The following PCDHGA2 variants were observed in gnomAD, a reference collection of about 807,000 sequenced individuals.
PCDHGA2 encodes the protein protocadherin gamma-A2.
Under a neutral mutation model 59.2 loss-of-function variants are expected in PCDHGA2, and 40 were observed. The ratio of observed to expected loss-of-function variants is 0.68; its 90% CI spans 0.52 to 0.88. PCDHGA2 has a LOEUF of 0.88. Ranked by LOEUF, PCDHGA2 falls within the 40% of genes least tolerant of loss-of-function variation. PCDHGA2 has a pLI of 0.00. For synonymous variants in PCDHGA2, 560 were observed against 526.0 expected, an observed-to-expected ratio of 1.06 and a Z score of -0.89; for missense variants, 1,226 against 1,204.0, an observed-to-expected ratio of 1.02 and a Z score of -0.27.
At chr5:141,440,982 A>G (rs940098060) in intron 1 of PCDHGA2, 4 of 152,234 alleles carry the variant, frequency 2.6e-5, no homozygotes, top group Non-Finnish European at 5.9e-5. Context: ...TTCACAACCC[A>G]GAGTACCCAT....
rs376300717 is a variant in PCDHGA2, at chr5:141,339,338, A to C, written c.367A>C (p.Ile123Leu). The change falls in exon 1 of 4, where the codon ATA becomes CTA. Residue 123 changes from isoleucine to leucine, a missense_variant. Transcript: ENST00000394576. Reference protein sequence around the residue: ...KLTIYSVEVEITDINDNAPRF... With the variant: ...KLTIYSVEVELTDINDNAPRF... ...GACTATTTATTCAGTAGAGGTGGAAATAACAGATATTAACGATAATGCCCC... is the reference window on the plus strand; with the variant it reads ...GACTATTTATTCAGTAGAGGTGGAACTAACAGATATTAACGATAATGCCCC... 3.7e-6 allele frequency: 6 copies of C among 1,614,142 alleles called. No homozygotes were observed. In the African/African-American group the frequency reaches 6.7e-5, roughly 18 times the overall value.
rs997034063 is a variant in PCDHGA2, at chr5:141,340,391, G to A, written c.1420G>A (p.Val474Met). The stretch of plus-strand genomic sequence containing the variant: ...CCCCAGAGGAGCCTCTGTCTTCTCA[G>A]TGACGGCCCATGACCCCGACAGCAA... ...NNPRGASVFS[V>M]TAHDPDSNDN... The change falls in exon 1 of 4, where the codon GTG (valine) becomes ATG (methionine). Residue 474 changes from valine to methionine, a missense_variant. Transcript: ENST00000394576. 5 of 1,614,034 alleles carry A rather than the reference G, an allele frequency of 3.1e-6. No individual in the cohort carries two copies. The highest frequency in any genetic ancestry group is 4.2e-6 in the Non-Finnish European group (5 of 1,180,050).
In PCDHGA2 at chr5:141,413,998, G is replaced by A; in HGVS notation, c.2424+72603G>A. On this transcript the variant is annotated intron_variant, in intron 1 of 3. Transcript: ENST00000394576. The stretch of plus-strand genomic sequence containing the variant: ...GACAGTCACAGCCACCGACAGGGAC[G>A]AAGGTGCCAATGGAGAAGTGACATA... 1 of 1,613,320 alleles carries A rather than the reference G, an allele frequency of 6.2e-7. No individual in the cohort carries two copies. The highest frequency in any genetic ancestry group is 1.6e-4 in the Middle Eastern group (1 of 6,062).
At chr5:141,488,208 C>T (rs2099672939) in intron 1 of PCDHGA2, among the ~76,000 whole-genome samples, 1 of 152,152 alleles carries the variant, frequency 6.6e-6, no homozygotes, top group African/African-American at 2.4e-5. Flanking sequence ...GGACTCATAT[C>T]AAGTCCCTAC....
intron 1 of PCDHGA2, among the ~76,000 whole-genome samples, chr5:141,479,053 A>G (rs534968614): frequency 9.2e-5 from 14 of 152,334 alleles, no homozygotes; most frequent in African/African-American, 3.1e-4. Context: ...TCATTCTCAG[A>G]TAATTTTTTA....
intron 1 of PCDHGA2, chr5:141,398,705 A>G (rs778909536): frequency 6.2e-7 from 1 of 1,613,874 alleles, no homozygotes; most frequent in Admixed American, 1.7e-5. Flanking sequence ...AAATACCCGG[A>G]ACTGGCACTG....
At position 141,374,995 on chromosome 5, in the gene PCDHGA2, T is replaced by C. The variant is rs551496415; in HGVS notation, c.2424+33600T>C. ...TTTTGACTGGAGAAATTTCAACTTC[T>C]GCAAATCTAGACTATGAGGACTCGA... On this transcript the variant is annotated intron_variant, in intron 1 of 3. Transcript: ENST00000394576. 4 of 1,613,956 alleles carry C rather than the reference T, an allele frequency of 2.5e-6. No individual in the cohort carries two copies. The Admixed American group carries it at 5.0e-5, about 20-fold the overall frequency.
rs777568111 is a variant in PCDHGA2 at position 141,404,292 on chromosome 5, A to G, written c.2424+62897A>G. On this transcript the variant is annotated intron_variant, in intron 1 of 3. Coordinates refer to ENST00000394576, the MANE Select transcript of PCDHGA2 (RefSeq NM_018915.4). ...ACCCTGCAAGTGACTGACATCAATG[A>G]TAATCCACCTGCTTTCTCTCAAGCC... 2.5e-6 allele frequency: 4 copies of G among 1,613,864 alleles called. No homozygotes were observed. Among genetic ancestry groups the G allele is most frequent in the South Asian group, 1.1e-5 (1 of 91,082 alleles).
intron 1 of PCDHGA2, chr5:141,403,123 G>A: frequency 6.2e-7 from 1 of 1,614,066 alleles, no homozygotes; most frequent in Non-Finnish European, 8.5e-7. Context: ...TGGAGCCCCG[G>A]GAGCTGGCGG....
chr5:141,498,565 G>C (rs2099784348), intron 2 of PCDHGA2, among the ~76,000 whole-genome samples: 1 of 152,044 alleles, frequency 6.6e-6, no homozygotes. Context: ...CTTCAAAGCA[G>C]GGCTAGTATT....
chr5:141,364,769 G>T (rs755884627), intron 1 of PCDHGA2: 1 of 1,614,012 alleles, frequency 6.2e-7, no homozygotes, highest in Admixed American at 1.7e-5. Flanking sequence ...TGAAAATGCG[G>T]CTGCAGGGAC....
intron 1 of PCDHGA2, chr5:141,390,147 G>C: frequency 6.2e-7 from 1 of 1,614,034 alleles, no homozygotes; most frequent in Non-Finnish European, 8.5e-7. Flanking sequence ...TCTATGTGTT[G>C]CACATACAGG....
At chr5:141,391,312 T>C (rs2092346265) in intron 1 of PCDHGA2, 1 of 151,466 alleles carries the variant, frequency 6.6e-6, no homozygotes, top group African/African-American at 2.4e-5. Flanking sequence ...GATTCTTTTT[T>C]TTTTCTTTTT....
chr5:141,455,406 C>A (rs991797932), intron 1 of PCDHGA2, among the ~76,000 whole-genome samples: 1 of 152,108 alleles, frequency 6.6e-6, no homozygotes, highest in Non-Finnish European at 1.5e-5. Flanking sequence ...CTTACAGAGA[C>A]AGAGGGAGCG....
chr5:141,339,273 C>T lies in PCDHGA2; in HGVS notation c.302C>T (p.Pro101Leu), dbSNP rs774171883. ...DREELCAQSAPCLLNFNILLE... is the reference protein window; with the variant it reads ...DREELCAQSALCLLNFNILLE... ...GAGGAGCTCTGCGCTCAGAGCGCAC[C>T]CTGTCTGTTGAATTTTAACATTCTG... Residue 101 changes from proline (P) to leucine (L), a missense_variant, in exon 1 of 4, where the codon CCC (proline) becomes CTC (leucine). Coordinates refer to ENST00000394576, the MANE Select transcript of PCDHGA2 (RefSeq NM_018915.4). The T allele has an allele frequency of 2.5e-6, 4 of 1,614,118 alleles. No individual in the cohort carries two copies. The highest frequency in any genetic ancestry group is 2.7e-5 in the African/African-American group (2 of 74,948).
intron 1 of PCDHGA2, among the ~76,000 whole-genome samples, chr5:141,474,511 C>T (rs2099350824): frequency 6.6e-6 from 1 of 152,202 alleles, no homozygotes; most frequent in Non-Finnish European, 1.5e-5. Context: ...TATCAGCCCT[C>T]TTGCTGGTCT....
At chr5:141,418,021 A>G (rs748774040) in intron 1 of PCDHGA2, 11 of 1,613,978 alleles carry the variant, frequency 6.8e-6, no homozygotes, top group African/African-American at 1.3e-5. Context: ...CTAAGGATCT[A>G]GGGCTTAGTG....
chr5:141,344,166 G>C (rs1364890100), intron 1 of PCDHGA2: 1 of 1,613,904 alleles, frequency 6.2e-7, no homozygotes, highest in Admixed American at 1.7e-5. Flanking sequence ...AGGTTCCTTC[G>C]TGGGCAACAT....
chr5:141,399,720 C>A, intron 1 of PCDHGA2: 1 of 1,613,306 alleles, frequency 6.2e-7, no homozygotes, highest in Non-Finnish European at 8.5e-7. Context: ...TACAGGCCCG[C>A]GACCAGGGCT....
Sources: gnomAD v4.1 joint callset for allele counts (sites outside exome capture counted in the v4.1 genomes callset) on GRCh38, gnomAD v4.1.1 for gene constraint, MANE v1.5 for transcripts, NCBI Gene and HGNC (gene_info 2026-07-23, HGNC 2026-07-21) for gene names.